KCTD1: variants seen among roughly 807,000 people sequenced by gnomAD.
The protein encoded by KCTD1 is BTB/POZ domain-containing protein KCTD1.
KCTD1 carries 24 observed loss-of-function variants against 66.0 expected under a neutral mutation model. The observed-to-expected ratio is 0.36, with a 90% confidence interval of 0.26 to 0.51. KCTD1 has a LOEUF of 0.51. Ranked by LOEUF, KCTD1 falls within the 20% of genes least tolerant of loss-of-function variation. The probability of loss-of-function intolerance (pLI) is 0.95; values close to 1 mark genes in which losing one functional copy is unlikely to be tolerated. For synonymous variants in KCTD1, 511 were observed against 517.2 expected (o/e 0.99, Z 0.16); for missense variants, 943 against 1,205.2 (o/e 0.78, Z 3.22).
intron 1 of KCTD1, among the ~76,000 whole-genome samples, chr18:26,603,420 G>A (rs1431993928): frequency 1.5e-5 from 2 of 135,468 alleles, no homozygotes; most frequent in Non-Finnish European, 3.1e-5. Flanking sequence ...CAACTGGAGT[G>A]AGACCCTGTT....
intron 1 of KCTD1, among the ~76,000 whole-genome samples, chr18:26,586,522 C>A (rs908573146): frequency 4.6e-5 from 7 of 152,066 alleles, no homozygotes; most frequent in Non-Finnish European, 1.0e-4. Context: ...AAGGAAGAGT[C>A]GCATGTCTAA....
At chr18:26,481,510 G>A (rs1981646252) in intron 2 of KCTD1, among the ~76,000 whole-genome samples, 3 of 152,176 alleles carry the variant, frequency 2.0e-5, no homozygotes, top group Admixed American at 1.3e-4. Context: ...AAGCCAGATC[G>A]TAAAAAGCCA....
At chr18:26,602,568 G>A (rs1010407708) in intron 1 of KCTD1, among the ~76,000 whole-genome samples, 1 of 152,178 alleles carries the variant, frequency 6.6e-6, no homozygotes, top group Non-Finnish European at 1.5e-5. Flanking sequence ...AGTGTTTTTA[G>A]TATCAGATTA....
chr18:26,564,639 C>G (rs1350438592), intron 1 of KCTD1, among the ~76,000 whole-genome samples: 2 of 152,110 alleles, frequency 1.3e-5, no homozygotes, highest in East Asian at 1.9e-4. Context: ...CCTGTAATCC[C>G]AGCATTTTGG....
At chr18:26,602,880 A>T (rs1986928555) in intron 1 of KCTD1, among the ~76,000 whole-genome samples, 1 of 152,258 alleles carries the variant, frequency 6.6e-6, no homozygotes, top group Non-Finnish European at 1.5e-5. Flanking sequence ...TTGATACTAC[A>T]AAGCAACAGT....
At chr18:26,455,927 A>G (rs1455666071) in intron 4 of KCTD1, 26 bp from the exon 5 acceptor site, 2 of 1,607,640 alleles carry the variant, frequency 1.2e-6, no homozygotes, top group Non-Finnish European at 1.7e-6. Flanking sequence ...ACAAGCATCC[A>G]GTTAGGGGTG....
chr18:26,572,693 C>T (rs1440994251), intron 1 of KCTD1, among the ~76,000 whole-genome samples: 1 of 152,224 alleles, frequency 6.6e-6, no homozygotes, highest in Non-Finnish European at 1.5e-5. Flanking sequence ...TGCTGCCAAA[C>T]ATTCCAACAA....
intron 1 of KCTD1, chr18:26,599,724 G>C (rs1986846336): frequency 6.4e-7 from 1 of 1,558,692 alleles, no homozygotes; most frequent in African/African-American, 1.4e-5. Context: ...GATAACAATA[G>C]CAAAGTGAAG....
intron 1 of KCTD1, among the ~76,000 whole-genome samples, chr18:26,621,069 G>A (rs998023399): frequency 5.3e-5 from 8 of 152,014 alleles, no homozygotes; most frequent in Non-Finnish European, 1.0e-4. Flanking sequence ...TCCTGACCTC[G>A]TGATCCACCC....
At chr18:26,590,925 C>T (rs1171760084) in intron 1 of KCTD1, among the ~76,000 whole-genome samples, 1 of 151,988 alleles carries the variant, frequency 6.6e-6, no homozygotes, top group African/African-American at 2.4e-5. Context: ...GATGGTGAAC[C>T]CCAAATCATT....
At position 26,548,497 on chromosome 18, in the gene KCTD1, C is replaced by A; in HGVS notation, c.40G>T (p.Ala14Ser). 1 of 1,250,196 alleles carries A rather than the reference C, an allele frequency of 8.0e-7. No individual in the cohort carries two copies. Among genetic ancestry groups the A allele is most frequent in the Non-Finnish European group, 1.0e-6 (1 of 1,004,734 alleles). 77.4% of individuals were successfully genotyped at this position (1,250,196 alleles called of 1,614,324 possible). The change falls in exon 1 of 5, where the codon GCG becomes TCG. Residue 14 changes from alanine (A) to serine (S), a missense_variant. Physicochemically the swap from Ala to Ser is moderately conservative, Grantham distance 99. Coordinates refer to ENST00000580059, the MANE Select transcript of KCTD1 (RefSeq NM_001142730.3). Reference sequence around the variant, plus strand: ...GCGGCAGCGCTGGCGCTGCCGCCCGCGCTGGTGTTACAGTCCCCGCTGCCA... The same window carrying A: ...GCGGCAGCGCTGGCGCTGCCGCCCGAGCTGGTGTTACAGTCCCCGCTGCCA... The part of the protein sequence containing the change: ...MPGSGDCNTS[A>S]GGSASAAAAA...
intron 3 of KCTD1, among the ~76,000 whole-genome samples, chr18:26,473,563 TTAATAA>T (rs10551915): frequency 5.2e-4 from 76 of 146,604 alleles, no homozygotes; most frequent in Admixed American, 8.2e-4. Flanking sequence ...GAACTTAAAA[TTAATAA>T]TAATAATAAT....
At chr18:26,535,971 C>CAAAAAA (rs36119174) in intron 1 of KCTD1, among the ~76,000 whole-genome samples, 6,510 of 122,464 alleles carry the variant, frequency 0.053, 466 homozygotes, top group African/African-American at 0.16. Flanking sequence ...GTGATTCCTC[C>CAAAAAA]AAAAAAAAAA....
At chr18:26,537,140 T>A (rs1567984950) in intron 1 of KCTD1, among the ~76,000 whole-genome samples, 1 of 152,206 alleles carries the variant, frequency 6.6e-6, no homozygotes. Context: ...GATCTGTGTG[T>A]TTCTACAGCA....
At chr18:26,525,398 CT>C (rs1984108439) in intron 1 of KCTD1, among the ~76,000 whole-genome samples, 1 of 152,196 alleles carries the variant, frequency 6.6e-6, no homozygotes, top group Admixed American at 6.5e-5. Context: ...ATGTGATTAC[CT>C]TTTGTGAGCC....
intron 1 of KCTD1, among the ~76,000 whole-genome samples, chr18:26,512,493 C>T (rs1328103144): frequency 1.3e-5 from 2 of 151,842 alleles, no homozygotes; most frequent in African/African-American, 4.8e-5. Flanking sequence ...ACATGACTTA[C>T]TCTATATAAT....
In KCTD1 at chr18:26,596,092, A is replaced by C. The variant is rs373665273; in HGVS notation, c.-16+33055T>G. On this transcript the variant is annotated intron_variant, in intron 1 of 4. Coordinates refer to the KCTD1 transcript ENST00000317932. ...CTAAAAATAAAGTAATGTAATCCTA[A>C]TTGTAATGGACTGAATGTTTGTATC... Among the ~76,000 whole-genome samples, 7 of 152,280 alleles carry C rather than the reference A, an allele frequency of 4.6e-5. No individual in the cohort carries two copies. The East Asian group carries it at 1.4e-3, about 29-fold the overall frequency.
At chr18:26,624,991 G>A (rs1302774375) in intron 1 of KCTD1, among the ~76,000 whole-genome samples, 1 of 152,174 alleles carries the variant, frequency 6.6e-6, no homozygotes, top group East Asian at 1.9e-4. Context: ...GAAATGTAAG[G>A]TTTGGTGACT....
intron 1 of KCTD1, among the ~76,000 whole-genome samples, chr18:26,584,722 C>T (rs1387105536): frequency 6.6e-6 from 1 of 152,084 alleles, no homozygotes; most frequent in Admixed American, 6.5e-5. Context: ...TAGGAGGGGG[C>T]TCCCGACCAC....
Sources: allele counts gnomAD v4.1 joint callset (sites outside exome capture counted in the v4.1 genomes callset), GRCh38; gene constraint gnomAD v4.1.1; transcripts MANE v1.5; gene names NCBI Gene and HGNC (gene_info 2026-07-23, HGNC 2026-07-21).